Variants in PPP2R5E observed in about 807,000 individuals in gnomAD.
PPP2R5E encodes the protein serine/threonine-protein phosphatase 2A 56 kDa regulatory subunit epsilon isoform.
A neutral mutation model predicts 65.3 loss-of-function variants in PPP2R5E; 4 were observed. That is an observed-to-expected ratio of 0.06 (90% CI 0.03 to 0.14). The LOEUF is 0.14. Among genes scored for constraint, PPP2R5E ranks in the 10% least tolerant of loss-of-function variants. The pLI is 1.00. For missense variants in PPP2R5E, 274 were observed against 556.1 expected, an observed-to-expected ratio of 0.49 and a Z score of 5.10; for synonymous variants, 183 against 187.4, an observed-to-expected ratio of 0.98 and a Z score of 0.19.
At chr14:63,401,569 T>A (rs1362406531) in intron 5 of PPP2R5E, among the ~76,000 whole-genome samples, 3 of 152,144 alleles carry the variant, frequency 2.0e-5, no homozygotes, top group African/African-American at 7.2e-5. Flanking sequence ...ACTTCATAAA[T>A]CTACAATGAA....
At chr14:63,450,514 A>G (rs1888762888) in intron 3 of PPP2R5E, among the ~76,000 whole-genome samples, 1 of 152,242 alleles carries the variant, frequency 6.6e-6, no homozygotes, top group Non-Finnish European at 1.5e-5. Context: ...AAGCTGGTCC[A>G]TATGGATGAC....
chr14:63,403,016 G>C (rs1473253957), intron 5 of PPP2R5E, among the ~76,000 whole-genome samples: 2 of 152,162 alleles, frequency 1.3e-5, no homozygotes, highest in Admixed American at 1.3e-4. Flanking sequence ...TAAAGGATAA[G>C]GCATTCACCT....
At chr14:63,509,557 G>T (rs1018121838) in intron 2 of PPP2R5E, among the ~76,000 whole-genome samples, 2 of 152,060 alleles carry the variant, frequency 1.3e-5, no homozygotes, top group African/African-American at 4.8e-5. Flanking sequence ...TACAGGCCTC[G>T]TGAGTCGCTG....
intron 2 of PPP2R5E, among the ~76,000 whole-genome samples, chr14:63,464,889 G>A (rs1396498397): frequency 6.6e-6 from 1 of 152,066 alleles, no homozygotes; most frequent in Non-Finnish European, 1.5e-5. Flanking sequence ...CAGGTGTGGT[G>A]GCATGTGTCT....
chr14:63,384,079 T>G (rs566642460), intron 12 of PPP2R5E, among the ~76,000 whole-genome samples: 1 of 152,268 alleles, frequency 6.6e-6, no homozygotes, highest in Admixed American at 6.5e-5. Flanking sequence ...ACATGATGGA[T>G]GGACCCACTG....
At chr14:63,482,766 C>T (rs1331525236) in intron 2 of PPP2R5E, among the ~76,000 whole-genome samples, 2 of 152,194 alleles carry the variant, frequency 1.3e-5, no homozygotes, top group African/African-American at 4.8e-5. Flanking sequence ...CATAGTCAGA[C>T]AGCCCCTAGA....
intron 2 of PPP2R5E, among the ~76,000 whole-genome samples, chr14:63,470,156 C>T (rs922416289): frequency 1.3e-5 from 2 of 152,086 alleles, no homozygotes; most frequent in South Asian, 2.1e-4. Flanking sequence ...ACTGTAGCCT[C>T]GACCTCCCTG....
chr14:63,421,091 T>TAAAAAAA (rs1886996436), intron 4 of PPP2R5E, among the ~76,000 whole-genome samples: 3 of 81,446 alleles, frequency 3.7e-5, no homozygotes, highest in Non-Finnish European at 8.0e-5. Context: ...AAAAAAAAAG[T>TAAAAAAA]CAACCTGAAC....
At chr14:63,536,067 T>C (rs1893660104) in intron 2 of PPP2R5E, among the ~76,000 whole-genome samples, 1 of 152,246 alleles carries the variant, frequency 6.6e-6, no homozygotes, top group Non-Finnish European at 1.5e-5. Context: ...AGAATGTGCT[T>C]ACTACATAAC....
At chr14:63,537,806 C>T (rs1893731626) in intron 2 of PPP2R5E, among the ~76,000 whole-genome samples, 1 of 152,158 alleles carries the variant, frequency 6.6e-6, no homozygotes. Context: ...TCCCCTTTCT[C>T]CCATTCTTCA....
chr14:63,527,025 C>T (rs1044220556), intron 2 of PPP2R5E, among the ~76,000 whole-genome samples: 3 of 152,178 alleles, frequency 2.0e-5, no homozygotes, highest in Non-Finnish European at 4.4e-5. Context: ...CAAAATTAGT[C>T]AGTTGTGGTG....
At chr14:63,400,943 G>A (rs1248518049) in intron 5 of PPP2R5E, among the ~76,000 whole-genome samples, 1 of 152,136 alleles carries the variant, frequency 6.6e-6, no homozygotes, top group Non-Finnish European at 1.5e-5. Context: ...TGTAGTATTA[G>A]CAAAACTTGA....
At chr14:63,518,354 G>A (rs1470982453) in intron 2 of PPP2R5E, among the ~76,000 whole-genome samples, 1 of 152,136 alleles carries the variant, frequency 6.6e-6, no homozygotes, top group African/African-American at 2.4e-5. Flanking sequence ...GGATCCTCCT[G>A]CCTTAGCCTC....
intron 3 of PPP2R5E, among the ~76,000 whole-genome samples, chr14:63,426,047 G>A (rs1235255982): frequency 6.6e-6 from 1 of 152,186 alleles, no homozygotes; most frequent in African/African-American, 2.4e-5. Flanking sequence ...TGAGGAATGA[G>A]AAAGCACATG....
intron 11 of PPP2R5E, among the ~76,000 whole-genome samples, chr14:63,385,470 C>T (rs1011055069): frequency 2.6e-5 from 4 of 152,168 alleles, no homozygotes; most frequent in African/African-American, 9.7e-5. Flanking sequence ...CACTTTAGCA[C>T]ATCTCACTGG....
At chr14:63,384,764 C>T (rs1207643586) in intron 11 of PPP2R5E, among the ~76,000 whole-genome samples, 193 bp from the exon 12 acceptor site, 1 of 152,036 alleles carries the variant, frequency 6.6e-6, no homozygotes, top group Non-Finnish European at 1.5e-5. Context: ...GGCGCGATCT[C>T]GGCTCTCTGC....
intron 2 of PPP2R5E, among the ~76,000 whole-genome samples, chr14:63,531,663 C>A (rs1195354307): frequency 2.0e-5 from 3 of 152,010 alleles, no homozygotes; most frequent in African/African-American, 7.3e-5. Context: ...TTTAAACACA[C>A]ACACACACGG....
At chr14:63,495,822 C>T (rs1011394567) in intron 2 of PPP2R5E, among the ~76,000 whole-genome samples, 3 of 151,798 alleles carry the variant, frequency 2.0e-5, no homozygotes, top group African/African-American at 7.3e-5. Context: ...TCCCAAGTAA[C>T]TGAGAAAACA....
In PPP2R5E at chr14:63,453,703, C is replaced by T; in HGVS notation, c.340G>A (p.Glu114Lys). The T allele has an allele frequency of 6.2e-7, 1 of 1,613,622 alleles. No homozygotes were observed. The highest frequency in any genetic ancestry group is 8.5e-7 in the Non-Finnish European group (1 of 1,179,876). ...AAGAAACTCACCATTCTAACTACTT[C>T]AGGGTAAGTCTGCTCTGTCAAACAG... is the stretch of plus-strand genomic sequence containing the variant. ...RGCLTEQTYP[E>K]VVRMVSCNIF... Residue 114 changes from glutamate to lysine, a missense_variant, in exon 3 of 14, where the codon GAA (glutamate) becomes AAA (lysine). Physicochemically the swap from Glu to Lys is moderately conservative, Grantham distance 56. Around this residue, in one of 6 missense-constraint regions of PPP2R5E, gnomAD observed 51 missense variants for 101.1 expected, o/e 0.50. Coordinates refer to ENST00000337537, the MANE Select transcript of PPP2R5E (RefSeq NM_006246.5).
Sources: allele counts gnomAD v4.1 joint callset (sites outside exome capture counted in the v4.1 genomes callset), GRCh38; gene constraint gnomAD v4.1.1; regional missense constraint gnomAD v4.1.1; transcripts MANE v1.5; gene names NCBI Gene and HGNC (gene_info 2026-07-23, HGNC 2026-07-21).